Variants in LRFN5 observed in about 807,000 individuals in gnomAD.
The protein encoded by LRFN5 is leucine rich repeat and fibronectin type III domain containing 5.
A neutral mutation model predicts 45.6 loss-of-function variants in LRFN5; 24 were observed. That is an observed-to-expected ratio of 0.53 (90% CI 0.38 to 0.74). The LOEUF is 0.74. Ranked by LOEUF, LRFN5 falls within the 30% of genes least tolerant of loss-of-function variation. LRFN5 has a pLI of 0.00. For missense variants in LRFN5, 776 were observed against 861.5 expected, an observed-to-expected ratio of 0.90 and a Z score of 1.24; for synonymous variants, 340 against 313.8, an observed-to-expected ratio of 1.08 and a Z score of -0.88.
intron 2 of LRFN5, among the ~76,000 whole-genome samples, chr14:41,878,557 G>A (rs1033325047): frequency 6.6e-6 from 1 of 152,136 alleles, no homozygotes; most frequent in Non-Finnish European, 1.5e-5. Flanking sequence ...CAGTTTGTGT[G>A]TAATAGACTC....
chr14:41,739,380 G>A (rs1050365754), intron 1 of LRFN5, among the ~76,000 whole-genome samples: 3 of 135,506 alleles, frequency 2.2e-5, no homozygotes, highest in African/African-American at 8.2e-5. Context: ...GCCAGACATT[G>A]TGTCAATCAT....
chr14:41,836,484 A>C (rs971453331), intron 2 of LRFN5, among the ~76,000 whole-genome samples: 21 of 149,160 alleles, frequency 1.4e-4, no homozygotes, highest in African/African-American at 5.1e-4. Flanking sequence ...GTTAATATGC[A>C]CGTATATATT....
rs193106350 is a variant in LRFN5, at chr14:41,647,650, C to T, written c.-197+39088C>T. ...GTAAGAAAGGCTGAAGGATATGGCT[C>T]ATCAGGAGGATAAAGTGTTCAGGTT... On this transcript the variant is annotated intron_variant, in intron 1 of 5. Transcript: ENST00000298119. Among the ~76,000 whole-genome samples the T allele has an allele frequency of 2.6e-5, 4 of 152,254 alleles. No homozygotes were observed. In the East Asian group the frequency reaches 5.8e-4, roughly 22 times the overall value.
intron 2 of LRFN5, among the ~76,000 whole-genome samples, chr14:41,799,864 C>T (rs1050691552): frequency 6.6e-6 from 1 of 151,550 alleles, no homozygotes; most frequent in Admixed American, 6.6e-5. Flanking sequence ...CCTAAAAATC[C>T]TCTTTATAAA....
chr14:41,727,433 G>A (rs910184014), intron 1 of LRFN5, among the ~76,000 whole-genome samples: 4 of 150,738 alleles, frequency 2.7e-5, no homozygotes, highest in African/African-American at 7.3e-5. Context: ...GCAAAAATCC[G>A]ATCTCTATAA....
At chr14:41,728,063 G>A (rs7142150) in intron 1 of LRFN5, among the ~76,000 whole-genome samples, 96,070 of 151,914 alleles carry the variant, frequency 0.63, 30,967 homozygotes, top group African/African-American at 0.77. Context: ...TGCTCATTCA[G>A]TGGGAAAATT....
intron 1 of LRFN5, among the ~76,000 whole-genome samples, chr14:41,678,012 TG>T (rs1940419367): frequency 6.6e-6 from 1 of 152,030 alleles, no homozygotes. Context: ...GAGATTGTCA[TG>T]ATAATTTAAA....
At chr14:41,865,047 G>A (rs1216128297) in intron 2 of LRFN5, among the ~76,000 whole-genome samples, 5 of 151,964 alleles carry the variant, frequency 3.3e-5, no homozygotes, top group African/African-American at 1.2e-4. Context: ...AAAAAAATTT[G>A]TGTATCATTA....
chr14:41,745,648 A>G (rs1269143115), intron 1 of LRFN5, among the ~76,000 whole-genome samples: 1 of 150,716 alleles, frequency 6.6e-6, no homozygotes, highest in Admixed American at 6.6e-5. Context: ...AGAAAAAAAG[A>G]GAAGATTCAA....
chr14:41,650,420 G>T (rs1880055616), intron 1 of LRFN5, among the ~76,000 whole-genome samples: 1 of 152,114 alleles, frequency 6.6e-6, no homozygotes, highest in Admixed American at 6.6e-5. Context: ...AGGTGAAATG[G>T]TTGAGGTCAA....
In LRFN5 at chr14:41,792,663, G is replaced by A. The variant is rs1006331574; in HGVS notation, c.-21+25634G>A. 9.9e-5 allele frequency among the ~76,000 whole-genome samples: 15 copies of A among 151,920 alleles called. 1 individual carries two copies. Among genetic ancestry groups the A allele is most frequent in the Middle Eastern group, 3.4e-3 (1 of 294 alleles). ...AATATGGCTCTTTTTGCCTGACCCC[G>A]CAGGCAGTCAGACCTTAGGGTTGTC... On this transcript the variant is annotated intron_variant, in intron 2 of 5. Coordinates refer to ENST00000298119, the MANE Select transcript of LRFN5 (RefSeq NM_152447.5).
chr14:41,903,649 ATTTTG>A (rs1891164298), intron 5 of LRFN5, among the ~76,000 whole-genome samples: 1 of 151,766 alleles, frequency 6.6e-6, no homozygotes, highest in South Asian at 2.1e-4. Context: ...TTTTCCATTT[ATTTTG>A]TTTTGTGGGT....
chr14:41,800,617 A>G (rs1040555482), intron 2 of LRFN5, among the ~76,000 whole-genome samples: 3 of 151,914 alleles, frequency 2.0e-5, no homozygotes, highest in African/African-American at 7.2e-5. Context: ...TACTCTATAT[A>G]AATATGAGAT....
At chr14:41,816,118 C>T (rs578228813) in intron 2 of LRFN5, among the ~76,000 whole-genome samples, 2 of 151,926 alleles carry the variant, frequency 1.3e-5, no homozygotes, top group African/African-American at 4.8e-5. Context: ...CTTTTCCCTT[C>T]CTCCGTCTCC....
At chr14:41,775,049 A>G (rs1156508512) in intron 2 of LRFN5, among the ~76,000 whole-genome samples, 1 of 149,610 alleles carries the variant, frequency 6.7e-6, no homozygotes, top group Non-Finnish European at 1.5e-5. Flanking sequence ...GGCACATTAG[A>G]TTTGACAATT....
chr14:41,779,519 C>A (rs190180048), intron 2 of LRFN5, among the ~76,000 whole-genome samples: 4 of 151,910 alleles, frequency 2.6e-5, no homozygotes, highest in African/African-American at 9.7e-5. Context: ...CACTTGGCTT[C>A]TGTTTCTGTT....
intron 1 of LRFN5, among the ~76,000 whole-genome samples, chr14:41,717,922 C>T (rs1883555627): frequency 6.6e-6 from 1 of 152,128 alleles, no homozygotes; most frequent in Non-Finnish European, 1.5e-5. Flanking sequence ...ATAAATCCTA[C>T]ACCCATGGGC....
chr14:41,717,380 G>A (rs1279188827), intron 1 of LRFN5, among the ~76,000 whole-genome samples: 2 of 152,188 alleles, frequency 1.3e-5, no homozygotes, highest in Non-Finnish European at 2.9e-5. Flanking sequence ...GTGTTTAAAT[G>A]AAAGCTATGA....
intron 1 of LRFN5, among the ~76,000 whole-genome samples, chr14:41,749,652 G>A (rs1205745520): frequency 6.6e-6 from 1 of 152,140 alleles, no homozygotes; most frequent in South Asian, 2.1e-4. Flanking sequence ...AACAATAGAC[G>A]CTGGGGTCTA....
Sources: allele counts gnomAD v4.1 joint callset (sites outside exome capture counted in the v4.1 genomes callset), GRCh38; gene constraint gnomAD v4.1.1; transcripts MANE v1.5; gene names NCBI Gene and HGNC (gene_info 2026-07-23, HGNC 2026-07-21).